ZNF618: variants seen among roughly 807,000 people sequenced by gnomAD.
The protein encoded by ZNF618 is neural precursor cell expressed, developmentally down-regulated 10.
Under a neutral mutation model 103.0 loss-of-function variants are expected in ZNF618, and 34 were observed. That is an observed-to-expected ratio of 0.33 (90% CI 0.25 to 0.44). ZNF618 has a LOEUF of 0.44. ZNF618 is among the 20% of genes least tolerant of loss of function. The pLI is 1.00. For synonymous variants in ZNF618, 551 were observed against 542.2 expected, an observed-to-expected ratio of 1.02 and a Z score of -0.23; for missense variants, 1,059 against 1,295.4, an observed-to-expected ratio of 0.82 and a Z score of 2.80.
chr9:113,994,097 G>A (rs1840333812), intron 3 of ZNF618, among the ~76,000 whole-genome samples: 1 of 152,216 alleles, frequency 6.6e-6, no homozygotes, highest in African/African-American at 2.4e-5. Flanking sequence ...AAGCTTTCAG[G>A]ACCGAGGTAC....
intron 9 of ZNF618, among the ~76,000 whole-genome samples, chr9:114,009,332 G>T (rs1842041635): frequency 6.6e-6 from 1 of 152,198 alleles, no homozygotes; most frequent in African/African-American, 2.4e-5. Flanking sequence ...AGCCCTGCTG[G>T]TCCCGAAAAT....
At chr9:114,010,029 G>A (rs957049233) in intron 9 of ZNF618, among the ~76,000 whole-genome samples, 4 of 152,316 alleles carry the variant, frequency 2.6e-5, no homozygotes, top group African/African-American at 9.6e-5. Context: ...GAAGAATATG[G>A]CCGGGCACGG....
In ZNF618 at chr9:113,888,987, A is replaced by G. The variant is rs10759662; in HGVS notation, c.33+12574A>G. Among the ~76,000 whole-genome samples, 2,988 of 152,292 alleles carry G rather than the reference A, an allele frequency of 0.02. 144 individuals carry two copies. The East Asian group carries it at 0.2, about 10-fold the overall frequency. ...ATAGTGCTGATTGCCAGGGTTCCAC[A>G]TGCAAAAATCCTCCAATCAGCGCCA... On this transcript the variant is annotated intron_variant, in intron 1 of 14. Transcript: ENST00000374126.
chr9:113,975,109 C>T (rs1313330068), intron 2 of ZNF618, among the ~76,000 whole-genome samples: 1 of 152,038 alleles, frequency 6.6e-6, no homozygotes, highest in African/African-American at 2.4e-5. Context: ...CAATTGATTC[C>T]TTGTAGAGCC....
intron 11 of ZNF618, among the ~76,000 whole-genome samples, chr9:114,031,284 T>C (rs1464917832): frequency 6.6e-6 from 1 of 152,038 alleles, no homozygotes; most frequent in Non-Finnish European, 1.5e-5. Flanking sequence ...CTGTGCCAAT[T>C]TGTAGATGCT....
intron 7 of ZNF618, 75 bp downstream of exon 7, chr9:114,007,514 C>A: frequency 7.1e-7 from 1 of 1,408,640 alleles, no homozygotes; most frequent in East Asian, 2.4e-5. Context: ...CCCAGCCCTC[C>A]CCGCCTCCCT....
At chr9:113,882,938 CCAAA>C (rs1362461387) in intron 1 of ZNF618, among the ~76,000 whole-genome samples, 1 of 152,210 alleles carries the variant, frequency 6.6e-6, no homozygotes, top group African/African-American at 2.4e-5. Flanking sequence ...ATGGTACCTC[CCAAA>C]CAATGTGGAC....
At chr9:114,047,680 G>GT (rs1845778218) in intron 13 of ZNF618, among the ~76,000 whole-genome samples, 1 of 152,194 alleles carries the variant, frequency 6.6e-6, no homozygotes, top group East Asian at 1.9e-4. Context: ...CAGCAATAGT[G>GT]TAATGTCCAT....
chr9:114,036,452 C>G, intron 13 of ZNF618, 75 bp downstream of exon 13: 1 of 1,446,468 alleles, frequency 6.9e-7, no homozygotes, highest in Non-Finnish European at 9.5e-7. Context: ...AGGGCCTGAC[C>G]TGAGGCCCCT....
intron 13 of ZNF618, among the ~76,000 whole-genome samples, chr9:114,045,002 G>A (rs968744149): frequency 6.6e-6 from 1 of 151,716 alleles, no homozygotes; most frequent in African/African-American, 2.4e-5. Context: ...GGTTTTCTAG[G>A]TATATAATCA....
intron 1 of ZNF618, among the ~76,000 whole-genome samples, chr9:113,959,670 C>T (rs571995885): frequency 8.5e-5 from 13 of 152,308 alleles, no homozygotes; most frequent in African/African-American, 2.9e-4. Context: ...TGCAGTGACA[C>T]GATCTCAGCT....
At chr9:113,986,681 C>G (rs1416670184) in intron 2 of ZNF618, among the ~76,000 whole-genome samples, 1 of 152,176 alleles carries the variant, frequency 6.6e-6, no homozygotes, top group African/African-American at 2.4e-5. Context: ...TTCTTCAGAT[C>G]CAGTCACACT....
At chr9:114,022,345 T>A (rs961111315) in intron 10 of ZNF618, among the ~76,000 whole-genome samples, 1 of 152,078 alleles carries the variant, frequency 6.6e-6, no homozygotes, top group African/African-American at 2.4e-5. Flanking sequence ...TGGTATTATT[T>A]TATGTAAGTA....
intron 13 of ZNF618, among the ~76,000 whole-genome samples, chr9:114,043,607 T>C (rs953102028): frequency 6.6e-6 from 1 of 152,152 alleles, no homozygotes; most frequent in African/African-American, 2.4e-5. Flanking sequence ...TACTTTTAGG[T>C]CTTTAAGGAA....
intron 1 of ZNF618, among the ~76,000 whole-genome samples, chr9:113,956,019 G>T (rs1428110948): frequency 1.3e-5 from 2 of 151,810 alleles, no homozygotes; most frequent in Non-Finnish European, 2.9e-5. Flanking sequence ...AGACCAACCT[G>T]ACCAACATGG....
chr9:113,906,752 G>C (rs979474681), intron 1 of ZNF618, among the ~76,000 whole-genome samples: 2 of 152,186 alleles, frequency 1.3e-5, no homozygotes, highest in East Asian at 1.9e-4. Flanking sequence ...ATCCATTATA[G>C]TCAGGACGCC....
At chr9:113,993,081 A>G (rs1329215617) in intron 3 of ZNF618, among the ~76,000 whole-genome samples, 1 of 152,206 alleles carries the variant, frequency 6.6e-6, no homozygotes, top group Non-Finnish European at 1.5e-5. Context: ...AAAGAAAGGA[A>G]GTTAACAGAC....
chr9:113,912,139 A>G (rs917269245), intron 1 of ZNF618, among the ~76,000 whole-genome samples: 10 of 152,158 alleles, frequency 6.6e-5, no homozygotes, highest in African/African-American at 2.2e-4. Context: ...CTCTGCTTCA[A>G]GGGAAGTTGA....
intron 1 of ZNF618, among the ~76,000 whole-genome samples, chr9:113,960,880 G>C (rs1299182315): frequency 6.6e-6 from 1 of 152,214 alleles, no homozygotes; most frequent in Non-Finnish European, 1.5e-5. Flanking sequence ...TCTGGCCTTG[G>C]GGTCTAGTCA....
Sources: allele counts gnomAD v4.1 joint callset (sites outside exome capture counted in the v4.1 genomes callset), GRCh38; gene constraint gnomAD v4.1.1; transcripts MANE v1.5; gene names NCBI Gene and HGNC (gene_info 2026-07-23, HGNC 2026-07-21).